LEMD3: variants seen among roughly 807,000 people sequenced by gnomAD.
LEMD3 encodes inner nuclear membrane protein Man1.
A neutral mutation model predicts 95.2 loss-of-function variants in LEMD3; 33 were observed. The ratio of observed to expected loss-of-function variants is 0.35; its 90% confidence interval spans 0.26 to 0.46. The LOEUF is 0.46. LEMD3 is among the 20% of genes least tolerant of loss of function. LEMD3 has a pLI of 1.00. For missense variants in LEMD3, 1,210 were observed against 1,192.8 expected, an observed-to-expected ratio of 1.01 and a Z score of -0.21; for synonymous variants, 525 against 474.6, an observed-to-expected ratio of 1.11 and a Z score of -1.38.
In LEMD3 at chr12:65,243,597, G is replaced by C. The variant is rs113744348; in HGVS notation, c.2387+128G>C. ...TCTTCTGAATCTCTACCACAGAAAT[G>C]TTATGTTTTTCTCTTTCATTAAATT... On this transcript the variant is annotated intron_variant, in intron 10 of 12. Transcript: ENST00000308330. The C allele has an allele frequency of 2.0e-5, 14 of 703,594 alleles. No individual in the cohort carries two copies. In the African/African-American group the frequency reaches 2.5e-4, roughly 12 times the overall value. 43.6% of individuals were successfully genotyped at this position (703,594 alleles called of 1,614,324 possible). A position where few individuals can be genotyped will look rare whatever the true frequency, so the allele number is the denominator to read the frequency against.
chr12:65,238,514 G>T lies in LEMD3; in HGVS notation c.1708G>T (p.Glu570Ter). The change falls in exon 5 of 13, where the codon GAA becomes TAA. Residue 570 changes from glutamate (E) to a stop codon, truncating the protein, a stop_gained. Transcript: ENST00000308330. LOFTEE classifies it high-confidence loss of function. Reference protein sequence around the residue: ...AAAYLKDLGPEYEGIFNTSLQ... With the variant: ...AAAYLKDLGP ...TTTTTCTTGTTAGGATTTAGGTCCT[G>T]AATATGAAGGTATATTTAACACTTC... 1.3e-6 allele frequency: 2 copies of T among 1,599,598 alleles called. No individual in the cohort carries two copies. Among genetic ancestry groups the T allele is most frequent in the South Asian group, 2.2e-5 (2 of 90,696 alleles).
In LEMD3 at chr12:65,175,776, T is replaced by C. The variant is rs78644396; in HGVS notation, c.1522+4658T>C. 1.1e-3 allele frequency among the ~76,000 whole-genome samples: 162 copies of C among 152,362 alleles called. 1 individual carries two copies. The East Asian group carries it at 0.018, about 17-fold the overall frequency. On this transcript the variant is annotated intron_variant, in intron 1 of 12. Coordinates refer to ENST00000308330, the MANE Select transcript of LEMD3 (RefSeq NM_014319.5). Reference sequence around the variant, plus strand: ...TTGGATTTCTCCTGAGATCTAGGTATACCTATTTGTTTACTAGACATCTTT... The same window carrying C: ...TTGGATTTCTCCTGAGATCTAGGTACACCTATTTGTTTACTAGACATCTTT...
At chr12:65,180,301 A>T (rs1446900047) in intron 1 of LEMD3, among the ~76,000 whole-genome samples, 1 of 151,306 alleles carries the variant, frequency 6.6e-6, no homozygotes, top group African/African-American at 2.4e-5. Context: ...TAACCTTTGG[A>T]TTTCACTGTT....
intron 1 of LEMD3, among the ~76,000 whole-genome samples, chr12:65,180,640 A>C (rs1356769389): frequency 6.6e-6 from 1 of 152,162 alleles, no homozygotes; most frequent in Non-Finnish European, 1.5e-5. Context: ...GGTATAGTTT[A>C]AAATTATACC....
Position 65,193,110 on chromosome 12 carries a change from C to T in LEMD3, c.1523-17816C>T, listed in dbSNP as rs189507556. Among the ~76,000 whole-genome samples, 736 of 152,204 alleles carry T rather than the reference C, an allele frequency of 4.8e-3. 12 individuals carry two copies. Among genetic ancestry groups the T allele is most frequent in the Non-Finnish European group, 3.4e-3 (232 of 68,012 alleles). On this transcript the variant is annotated intron_variant, in intron 1 of 12. Coordinates refer to ENST00000308330, the MANE Select transcript of LEMD3 (RefSeq NM_014319.5). The stretch of plus-strand genomic sequence containing the variant: ...CGGCACCAAAGTATGTTACTGTCGG[C>T]GAATTCATACGGCTCTGCAGCAACC...
intron 1 of LEMD3, among the ~76,000 whole-genome samples, chr12:65,205,133 T>C (rs991892643): frequency 1.3e-5 from 2 of 152,062 alleles, no homozygotes; most frequent in Non-Finnish European, 2.9e-5. Context: ...GAGCCACTTA[T>C]AAAACCATCA....
At chr12:65,231,641 C>T (rs1464086704) in intron 4 of LEMD3, among the ~76,000 whole-genome samples, 1 of 151,948 alleles carries the variant, frequency 6.6e-6, no homozygotes, top group Non-Finnish European at 1.5e-5. Context: ...TACACTCCAG[C>T]CTGGATGACA....
chr12:65,215,890 T>G, intron 2 of LEMD3, 87 bp from the exon 3 acceptor site: 3 of 602,178 alleles, frequency 5.0e-6, no homozygotes, highest in Non-Finnish European at 8.6e-6. Context: ...GATTTTAAAT[T>G]TACTGTTTTT....
In LEMD3 at chr12:65,194,848, G is replaced by GATTATA. The variant is rs60310285; in HGVS notation, c.1523-16074_1523-16069dup. Among the ~76,000 whole-genome samples, 323 of 139,324 alleles carry GATTATA rather than the reference G, an allele frequency of 2.3e-3. 1 individual carries two copies. Among genetic ancestry groups the GATTATA allele is most frequent in the Middle Eastern group, 7.4e-3 (2 of 270 alleles). 91.4% of individuals were successfully genotyped at this position (139,324 alleles called of 152,430 possible). On this transcript the variant is annotated intron_variant, in intron 1 of 12. Coordinates refer to ENST00000308330, the MANE Select transcript of LEMD3 (RefSeq NM_014319.5). ...ATTATAATTTATAAATTATAATTTA[G>GATTATA]ATTATAATTTATAAATTATAATTTA...
intron 1 of LEMD3, among the ~76,000 whole-genome samples, chr12:65,198,872 T>C (rs534401335): frequency 6.0e-4 from 91 of 152,234 alleles, no homozygotes; most frequent in African/African-American, 2.0e-3. Flanking sequence ...CTGAAGTTGG[T>C]TGAGTTCTTG....
At chr12:65,194,971 C>G (rs550644280) in intron 1 of LEMD3, among the ~76,000 whole-genome samples, 5 of 119,224 alleles carry the variant, frequency 4.2e-5, no homozygotes, top group African/African-American at 1.8e-4. Context: ...TAGCTTGGCC[C>G]AAGCCCCAGG....
intron 1 of LEMD3, chr12:65,171,613 T>C (rs1358352369): frequency 1.7e-5 from 3 of 178,466 alleles, no homozygotes; most frequent in Non-Finnish European, 3.6e-5. Flanking sequence ...ATTAACTGTA[T>C]GTATAATTTC....
chr12:65,221,694 T>C (rs571887185), intron 4 of LEMD3, among the ~76,000 whole-genome samples: 6 of 151,874 alleles, frequency 4.0e-5, no homozygotes, highest in African/African-American at 1.4e-4. Context: ...ATGGGAAAAA[T>C]AGCCACCCTG....
intron 1 of LEMD3, among the ~76,000 whole-genome samples, chr12:65,172,071 G>A (rs1234139549): frequency 6.6e-6 from 1 of 152,198 alleles, no homozygotes; most frequent in Non-Finnish European, 1.5e-5. Context: ...TCTGAGCAGA[G>A]ATTAAGGCCT....
At chr12:65,226,343 A>G (rs1870448490) in intron 4 of LEMD3, among the ~76,000 whole-genome samples, 1 of 152,124 alleles carries the variant, frequency 6.6e-6, no homozygotes, top group Non-Finnish European at 1.5e-5. Context: ...CAGCTTTGAT[A>G]CAGGTGGTTT....
chr12:65,220,624 T>C (rs1870255183), intron 4 of LEMD3, among the ~76,000 whole-genome samples: 1 of 152,238 alleles, frequency 6.6e-6, no homozygotes. Context: ...TTTGGTGTCA[T>C]GTCCAAGAAA....
chr12:65,243,723 G>A (rs1469363823), intron 10 of LEMD3, among the ~76,000 whole-genome samples: 1 of 152,154 alleles, frequency 6.6e-6, no homozygotes, highest in Non-Finnish European at 1.5e-5. Context: ...ATAGATAAAT[G>A]CTTGAGGCAA....
intron 1 of LEMD3, among the ~76,000 whole-genome samples, chr12:65,180,816 G>A (rs1332610952): frequency 1.3e-5 from 2 of 152,158 alleles, no homozygotes; most frequent in Admixed American, 6.5e-5. Flanking sequence ...CTATGCAAGA[G>A]TGTAGTTCAG....
intron 10 of LEMD3, among the ~76,000 whole-genome samples, chr12:65,244,768 C>T (rs1871046024): frequency 6.6e-6 from 1 of 151,902 alleles, no homozygotes; most frequent in Non-Finnish European, 1.5e-5. Context: ...GGCAATGTGG[C>T]AAAACCCCGT....
Sources: allele counts gnomAD v4.1 joint callset (sites outside exome capture counted in the v4.1 genomes callset), GRCh38; gene constraint gnomAD v4.1.1; transcripts MANE v1.5; gene names NCBI Gene and HGNC (gene_info 2026-07-23, HGNC 2026-07-21).